MAGI1: variants seen among roughly 807,000 people sequenced by gnomAD.
MAGI1 encodes membrane-associated guanylate kinase, WW and PDZ domain-containing protein 1.
MAGI1 carries 58 observed loss-of-function variants against 139.9 expected under a neutral mutation model. The observed-to-expected ratio is 0.41, with a 90% CI of 0.34 to 0.52. MAGI1 has a LOEUF of 0.52. MAGI1 is among the 20% of genes least tolerant of loss of function. The probability of loss-of-function intolerance (pLI) is 0.12; values close to 1 mark genes in which losing one functional copy is unlikely to be tolerated. For missense variants in MAGI1, 1,874 were observed against 1,901.6 expected, an observed-to-expected ratio of 0.99 and a Z score of 0.27; for synonymous variants, 812 against 737.9, an observed-to-expected ratio of 1.10 and a Z score of -1.63.
At chr3:65,854,769 G>A (rs756032441) in intron 1 of MAGI1, among the ~76,000 whole-genome samples, 3 of 152,216 alleles carry the variant, frequency 2.0e-5, no homozygotes, top group Admixed American at 6.5e-5. Flanking sequence ...ATGACTCGCA[G>A]TTCCTGCAAA....
rs559683363 is a variant in MAGI1 at position 65,971,286 on chromosome 3, G to C, written c.313+66710C>G. Among the ~76,000 whole-genome samples, 296 of 152,334 alleles carry C rather than the reference G, an allele frequency of 1.9e-3. 3 individuals carry two copies. Among genetic ancestry groups the C allele is most frequent in the African/African-American group, 6.8e-3 (283 of 41,582 alleles). On this transcript the variant is annotated intron_variant, in intron 1 of 22. Transcript: ENST00000402939. Reference sequence around the variant, plus strand: ...CACTAAGCCTCAGATCCTTGAAGAAGGTGGGTCCAATGTAGAACTGTGCTT... The same window carrying C: ...CACTAAGCCTCAGATCCTTGAAGAACGTGGGTCCAATGTAGAACTGTGCTT...
intron 1 of MAGI1, among the ~76,000 whole-genome samples, chr3:65,688,972 G>C (rs1013576551): frequency 6.6e-6 from 1 of 152,148 alleles, no homozygotes; most frequent in East Asian, 1.9e-4. Flanking sequence ...TGGAAAAACA[G>C]ACTGCAAGAG....
At chr3:65,507,363 A>C (rs2077337211) in intron 2 of MAGI1, among the ~76,000 whole-genome samples, 1 of 152,242 alleles carries the variant, frequency 6.6e-6, no homozygotes, top group South Asian at 2.1e-4. Context: ...AACATTCAAA[A>C]AGTGTCTCAT....
At chr3:65,898,548 G>C (rs144585853) in intron 1 of MAGI1, among the ~76,000 whole-genome samples, 111 of 152,264 alleles carry the variant, frequency 7.3e-4, no homozygotes, top group African/African-American at 2.6e-3. Flanking sequence ...GACAGGTATA[G>C]AAAATAGGAG....
chr3:65,720,684 A>G (rs1406900519), intron 1 of MAGI1, among the ~76,000 whole-genome samples: 1 of 152,112 alleles, frequency 6.6e-6, no homozygotes, highest in Non-Finnish European at 1.5e-5. Flanking sequence ...TTCAGGATAG[A>G]TAGATCTCTC....
intron 18 of MAGI1, among the ~76,000 whole-genome samples, chr3:65,375,335 C>T (rs974152207): frequency 6.6e-6 from 1 of 151,990 alleles, no homozygotes; most frequent in African/African-American, 2.4e-5. Context: ...ACTACAGGCG[C>T]CCGCCACCGC....
At chr3:65,957,753 TTTG>T (rs925025256) in intron 1 of MAGI1, among the ~76,000 whole-genome samples, 10 of 151,850 alleles carry the variant, frequency 6.6e-5, no homozygotes, top group African/African-American at 2.4e-4. Flanking sequence ...GTTTTAGTTC[TTTG>T]TTGTTGTTGT....
At chr3:66,020,274 T>C (rs1262983504) in intron 1 of MAGI1, among the ~76,000 whole-genome samples, 2 of 152,058 alleles carry the variant, frequency 1.3e-5, no homozygotes, top group Non-Finnish European at 2.9e-5. Flanking sequence ...CCATCTCTAT[T>C]AAAAATACAA....
At chr3:65,470,990 T>C (rs959074395) in intron 4 of MAGI1, among the ~76,000 whole-genome samples, 1 of 152,222 alleles carries the variant, frequency 6.6e-6, no homozygotes, top group African/African-American at 2.4e-5. Flanking sequence ...ATATTTTTGG[T>C]AGACACTGGC....
chr3:65,546,434 T>C (rs1240892775), intron 2 of MAGI1, among the ~76,000 whole-genome samples: 1 of 152,232 alleles, frequency 6.6e-6, no homozygotes, highest in Non-Finnish European at 1.5e-5. Context: ...ACATTCTTTT[T>C]TATAAATATT....
chr3:65,950,453 G>T lies in MAGI1; in HGVS notation c.313+87543C>A, dbSNP rs370871575. 2.4e-4 allele frequency among the ~76,000 whole-genome samples: 36 copies of T among 152,042 alleles called. No homozygotes were observed. In the East Asian group the frequency reaches 3.7e-3, roughly 16 times the overall value. ...CTTGTACCCCGCCCTCGCTGTTGAA[G>T]GATCCTCAGAGAAAGTATGTTGAGA... On this transcript the variant is annotated intron_variant, in intron 1 of 22. Transcript: ENST00000402939.
rs551013301 is a variant in MAGI1, at chr3:65,568,080, G to A, written c.430+53892C>T. ...ACAGTCCTAAGGGAATCTATTTACCGGGTAAAGGACACAACCAGAGGCACT... is the reference window on the plus strand; with the variant it reads ...ACAGTCCTAAGGGAATCTATTTACCAGGTAAAGGACACAACCAGAGGCACT... On this transcript the variant is annotated intron_variant, in intron 2 of 22. Transcript: ENST00000402939. Among the ~76,000 whole-genome samples, 85 of 152,150 alleles carry A rather than the reference G, an allele frequency of 5.6e-4. 1 individual carries two copies. In the South Asian group the frequency reaches 0.016, roughly 29 times the overall value.
intron 1 of MAGI1, among the ~76,000 whole-genome samples, chr3:65,661,325 G>C (rs1409102632): frequency 6.6e-6 from 1 of 152,146 alleles, no homozygotes; most frequent in Non-Finnish European, 1.5e-5. Flanking sequence ...AATTCTGTAT[G>C]TTGTTTTGGA....
At chr3:65,994,009 C>T (rs1412562204) in intron 1 of MAGI1, among the ~76,000 whole-genome samples, 5 of 152,144 alleles carry the variant, frequency 3.3e-5, no homozygotes, top group African/African-American at 1.2e-4. Context: ...TGCAGTGACT[C>T]AAGCCTGTAA....
At chr3:65,549,276 C>T (rs950002844) in intron 2 of MAGI1, 1 of 333,018 alleles carries the variant, frequency 3.0e-6, no homozygotes, top group African/African-American at 2.2e-5. Flanking sequence ...CTCGCCTTCT[C>T]CTTCCTTCCC....
intron 1 of MAGI1, among the ~76,000 whole-genome samples, chr3:65,995,463 G>C (rs1023204925): frequency 6.6e-6 from 1 of 151,994 alleles, no homozygotes; most frequent in Non-Finnish European, 1.5e-5. Context: ...TTTTCAAAGA[G>C]TAGAGGTGAT....
At chr3:65,744,800 T>C (rs55812110) in intron 1 of MAGI1, among the ~76,000 whole-genome samples, 18,495 of 152,122 alleles carry the variant, frequency 0.12, 1,309 homozygotes, top group African/African-American at 0.17. Context: ...AAAAATTACA[T>C]TAACATATAT....
intron 1 of MAGI1, among the ~76,000 whole-genome samples, chr3:65,695,781 G>A (rs2089126974): frequency 6.6e-6 from 1 of 152,192 alleles, no homozygotes; most frequent in Non-Finnish European, 1.5e-5. Context: ...TCCAGCTGCA[G>A]GCCATGTCGG....
At chr3:65,422,471 A>G (rs1277356096) in intron 12 of MAGI1, among the ~76,000 whole-genome samples, 4 of 152,178 alleles carry the variant, frequency 2.6e-5, no homozygotes, top group Non-Finnish European at 5.9e-5. Context: ...TGGTCAGTCT[A>G]TTATAATGCT....
Sources: gnomAD v4.1 joint callset for allele counts (sites outside exome capture counted in the v4.1 genomes callset) on GRCh38, gnomAD v4.1.1 for gene constraint, MANE v1.5 for transcripts, NCBI Gene and HGNC (gene_info 2026-07-23, HGNC 2026-07-21) for gene names.